FCGR1A: variants seen among roughly 807,000 people sequenced by gnomAD.
FCGR1A encodes high affinity immunoglobulin gamma Fc receptor I.
A neutral mutation model predicts 35.0 loss-of-function variants in FCGR1A; 13 were observed. The ratio of observed to expected loss-of-function variants is 0.37; its 90% confidence interval spans 0.24 to 0.59. FCGR1A has a LOEUF of 0.59. Ranked by LOEUF, FCGR1A falls within the 20% of genes least tolerant of loss-of-function variation. The probability of loss-of-function intolerance (pLI) is 0.71; values close to 1 mark genes in which losing one functional copy is unlikely to be tolerated. For synonymous variants in FCGR1A, 91 were observed against 164.7 expected, an observed-to-expected ratio of 0.55 and a Z score of 3.43; for missense variants, 227 against 430.0, an observed-to-expected ratio of 0.53 and a Z score of 4.17.
At chr1:149,782,916 G>A (rs1553750390) in intron 1 of FCGR1A, 142 bp downstream of exon 1, 5 of 1,591,330 alleles carry the variant, frequency 3.1e-6, no homozygotes, top group Non-Finnish European at 4.3e-6. Context: ...GTTTATTAGA[G>A]CTTATTTTAT....
At chr1:149,794,308 A>G (rs587632024), downstream of FCGR1A, among the ~76,000 whole-genome samples, 816 of 151,954 alleles carry the variant, frequency 5.4e-3, 30 homozygotes, top group African/African-American at 0.019. Flanking sequence ...AGCAATAAAT[A>G]TTCCATTGAC....
At position 149,790,210 on chromosome 1, in the gene FCGR1A, G is replaced by A. The variant is rs782427636; in HGVS notation, c.716G>A (p.Arg239Lys). Reference protein sequence around the residue: ...FYMGSKTLRGRNTSSEYQILT... With the variant: ...FYMGSKTLRGKNTSSEYQILT... ...ATGGGCAGCAAGACCCTGCGAGGCA[G>A]GAACACATCCTCTGAATACCAAATA... Residue 239 changes from arginine to lysine, a missense_variant, in exon 5 of 6, where the codon AGG becomes AAG. Around this residue, in one of 3 missense-constraint regions of FCGR1A, gnomAD observed 185 missense variants for 306.6 expected, o/e 0.60. Coordinates refer to ENST00000369168, the MANE Select transcript of FCGR1A (RefSeq NM_000566.4). The A allele has an allele frequency of 8.1e-6, 13 of 1,613,484 alleles. No individual in the cohort carries two copies. In the Admixed American group the frequency reaches 2.2e-4, roughly 27 times the overall value.
chr1:149,790,199 C>T lies in FCGR1A; in HGVS notation c.705C>T (p.Thr235=). Residue 235 remains threonine (T), a synonymous_variant, in exon 5 of 6, where the codon ACC becomes ACT. Coordinates refer to ENST00000369168, the MANE Select transcript of FCGR1A (RefSeq NM_000566.4). The part of the protein sequence containing the change: ...LYFSFYMGSK[T]LRGRNTSSEY... ...TCTCCTTCTACATGGGCAGCAAGAC[C>T]CTGCGAGGCAGGAACACATCCTCTG... 3 of 1,613,780 alleles carry T rather than the reference C, an allele frequency of 1.9e-6. No individual in the cohort carries two copies. Among genetic ancestry groups the T allele is most frequent in the South Asian group, 2.2e-5 (2 of 91,034 alleles).
chr1:149,790,080 G>A lies in FCGR1A; in HGVS notation c.586G>A (p.Ala196Thr), dbSNP rs1366071562. The change falls in exon 5 of 6, where the codon GCA becomes ACA. Residue 196 changes from alanine to threonine, a missense_variant. By Grantham distance (58) the Ala-to-Thr change is moderately conservative. This residue lies in a region of FCGR1A where 185 missense variants were observed against 306.6 expected (regional missense o/e 0.60). Coordinates refer to ENST00000369168, the MANE Select transcript of FCGR1A (RefSeq NM_000566.4). ...KELFPAPVLN[A>T]SVTSPLLEGN... is the part of the protein sequence containing the mutation. The stretch of plus-strand genomic sequence containing the variant: ...GCTATTTCCAGCTCCAGTGCTGAAT[G>A]CATCTGTGACATCCCCACTCCTGGA... The A allele has an allele frequency of 2.5e-6, 4 of 1,613,850 alleles. No homozygotes were observed. The highest frequency in any genetic ancestry group is 3.3e-5 in the Admixed American group (2 of 60,022).
At chr1:149,784,643 AAT>A (rs1338265517) in intron 3 of FCGR1A, among the ~76,000 whole-genome samples, 1 of 149,876 alleles carries the variant, frequency 6.7e-6, no homozygotes, top group African/African-American at 2.4e-5. Flanking sequence ...CAAAACTGCT[AAT>A]ATATATATAC....
Position 149,791,438 on chromosome 1 carries a change from A to G in FCGR1A, c.1046A>G (p.Glu349Gly). 1 of 1,607,084 alleles carries G rather than the reference A, an allele frequency of 6.2e-7. No individual in the cohort carries two copies. The highest frequency in any genetic ancestry group is 8.5e-7 in the Non-Finnish European group (1 of 1,178,584). The change falls in exon 6 of 6, where the codon GAA (glutamate) becomes GGA (glycine). Residue 349 changes from glutamate (E) to glycine (G), a missense_variant. Transcript: ENST00000369168. ...CTTCAAGAAGACAGACATTTAGAAG[A>G]AGAGCTGAAATGTCAGGAACAAAAA... is the stretch of plus-strand genomic sequence containing the variant. The part of the protein sequence containing the change: ...SSLQEDRHLE[E>G]ELKCQEQKEE...
Position 149,789,951 on chromosome 1 carries a change from T to C in FCGR1A, c.560-103T>C, listed in dbSNP as rs1230202484. On this transcript the variant is annotated intron_variant, in intron 4 of 5. Coordinates refer to ENST00000369168, the MANE Select transcript of FCGR1A (RefSeq NM_000566.4). Reference sequence around the variant, plus strand: ...AAAGGGTTAATGCCTTATGGATGCATTTTCTAGGGCCAGGTTTCCCAAGGG... The same window carrying C: ...AAAGGGTTAATGCCTTATGGATGCACTTTCTAGGGCCAGGTTTCCCAAGGG... 1.9e-6 allele frequency: 3 copies of C among 1,606,838 alleles called. No individual in the cohort carries two copies. In the East Asian group the frequency reaches 6.7e-5, roughly 36 times the overall value.
At chr1:149,792,676 G>A (rs1359340616), downstream of FCGR1A, 19 of 1,278,854 alleles carry the variant, frequency 1.5e-5, no homozygotes, top group African/African-American at 2.8e-4. Flanking sequence ...AGCCGCCAGC[G>A]CCCGGGGACC....
intron 3 of FCGR1A, among the ~76,000 whole-genome samples, chr1:149,784,809 A>G (rs1823497): frequency 2.6e-5 from 4 of 151,256 alleles, no homozygotes; most frequent in Non-Finnish European, 5.9e-5. Context: ...AAAATACCTT[A>G]AAGTTCTGTT....
At chr1:149,785,682 G>T (rs1553750763) in intron 3 of FCGR1A, 1 of 151,936 alleles carries the variant, frequency 6.6e-6, no homozygotes, top group African/African-American at 2.4e-5. Flanking sequence ...ACATTTTAAT[G>T]TGAATTTTCA....
intron 4 of FCGR1A, among the ~76,000 whole-genome samples, chr1:149,789,410 A>T (rs1422187996): frequency 3.3e-5 from 5 of 149,358 alleles, no homozygotes; most frequent in Admixed American, 3.3e-4. Context: ...AATAATAATA[A>T]TAATAATAAT....
chr1:149,791,548 A>G lies in FCGR1A; in HGVS notation c.*31A>G. ...GCTCAGTGGGTGGCCATCGATCTGG[A>G]CCGTCCCCTGCCCACTTGCTCCCCG... On this transcript the variant is annotated 3_prime_UTR_variant, in exon 6 of 6. Transcript: ENST00000369168. 6.2e-7 allele frequency: 1 copy of G among 1,609,900 alleles called. No individual in the cohort carries two copies. Among genetic ancestry groups the G allele is most frequent in the South Asian group, 1.1e-5 (1 of 90,798 alleles).
At chr1:149,788,227 C>A in intron 3 of FCGR1A, 139 bp from the exon 4 acceptor site, 2 of 1,578,414 alleles carry the variant, frequency 1.3e-6, no homozygotes, top group Non-Finnish European at 1.7e-6. Flanking sequence ...ATTTGAGGAA[C>A]TGGATATAGG....
At chr1:149,796,491 G>A (rs1289975020), downstream of FCGR1A, among the ~76,000 whole-genome samples, 232 of 152,274 alleles carry the variant, frequency 1.5e-3, no homozygotes, top group Non-Finnish European at 2.4e-3. Context: ...TGGAAGGGCA[G>A]AAAAATACTT....
At chr1:149,788,215 A>T in intron 3 of FCGR1A, 151 bp from the exon 4 acceptor site, 1 of 1,540,946 alleles carries the variant, frequency 6.5e-7, no homozygotes, top group South Asian at 1.2e-5. Flanking sequence ...AAAGCTAAAG[A>T]TATTTGAGGA....
chr1:149,785,219 C>A (rs2091509234), intron 3 of FCGR1A, among the ~76,000 whole-genome samples: 1 of 152,082 alleles, frequency 6.6e-6, no homozygotes, highest in South Asian at 2.1e-4. Flanking sequence ...AATGATAATG[C>A]AAAAGTCAAT....
chr1:149,798,729 A>G, the FCGR1A span, among the ~76,000 whole-genome samples: 1 of 152,084 alleles, frequency 6.6e-6, no homozygotes, highest in Admixed American at 6.5e-5. Flanking sequence ...CTCCTGCTTC[A>G]GCCTCCTAAG....
Position 149,785,406 on chromosome 1 carries a change from T to TC in FCGR1A, c.307+1150dup, listed in dbSNP as rs1426499548. On this transcript the variant is annotated intron_variant, in intron 3 of 5. Transcript: ENST00000369168. The stretch of plus-strand genomic sequence containing the variant: ...GGTTAGGGAAGCTGACAGAGCTGTT[T>TC]CGTTTTTTTTTTTTTTTTTTTTTTT... Among the ~76,000 whole-genome samples, 810 of 134,280 alleles carry TC rather than the reference T, an allele frequency of 6.0e-3. 94 individuals are homozygous for TC. Among genetic ancestry groups the TC allele is most frequent in the African/African-American group, 0.021 (744 of 34,706 alleles). 88.1% of individuals were successfully genotyped at this position (134,280 alleles called of 152,430 possible). A position where few individuals can be genotyped will look rare whatever the true frequency, so the allele number is the denominator to read the frequency against.
the FCGR1A span, among the ~76,000 whole-genome samples, chr1:149,799,749 A>G: frequency 6.6e-6 from 1 of 152,100 alleles, no homozygotes; most frequent in African/African-American, 2.4e-5. Context: ...TCATCTCTGC[A>G]TGCATCTTTT....
Sources: allele counts gnomAD v4.1 joint callset (sites outside exome capture counted in the v4.1 genomes callset), GRCh38; gene constraint gnomAD v4.1.1; regional missense constraint gnomAD v4.1.1; transcripts MANE v1.5; gene names NCBI Gene and HGNC (gene_info 2026-07-23, HGNC 2026-07-21).